Variants in FYB1 observed in about 807,000 individuals in gnomAD.
FYB1 encodes the protein FYN-binding protein 1.
A neutral mutation model predicts 94.1 loss-of-function variants in FYB1; 41 were observed. That is an observed-to-expected ratio of 0.44 (90% CI 0.34 to 0.57). The LOEUF (loss-of-function observed/expected upper bound fraction) is 0.57, where lower values mean the gene tolerates loss of function less well. Among genes scored for constraint, FYB1 ranks in the 20% least tolerant of loss-of-function variants. The pLI is 0.02. For synonymous variants in FYB1, 367 were observed against 353.2 expected, an observed-to-expected ratio of 1.04 and a Z score of -0.44; for missense variants, 1,050 against 976.8, an observed-to-expected ratio of 1.07 and a Z score of -1.00.
chr5:39,205,602 A>G (rs926226666), intron 1 of FYB1, among the ~76,000 whole-genome samples: 1 of 152,198 alleles, frequency 6.6e-6, no homozygotes, highest in African/African-American at 2.4e-5. Context: ...AACCCATGAA[A>G]TACCCTAGCC....
intron 16 of FYB1, among the ~76,000 whole-genome samples, chr5:39,113,976 C>T (rs184725842): frequency 1.8e-4 from 27 of 151,742 alleles, no homozygotes; most frequent in East Asian, 1.4e-3. Context: ...CATATTTGGA[C>T]GACATTTTAA....
intron 3 of FYB1, among the ~76,000 whole-genome samples, chr5:39,143,918 A>T (rs1742411576): frequency 6.6e-6 from 1 of 152,214 alleles, no homozygotes; most frequent in African/African-American, 2.4e-5. Flanking sequence ...CCTGTTAATT[A>T]ACTCATTAAA....
intron 2 of FYB1, among the ~76,000 whole-genome samples, chr5:39,184,468 G>T (rs1041351864): frequency 6.6e-6 from 1 of 152,126 alleles, no homozygotes; most frequent in Non-Finnish European, 1.5e-5. Context: ...TGGTGAGTTT[G>T]AACATGAAAA....
chr5:39,111,894 T>C (rs366940), intron 16 of FYB1, among the ~76,000 whole-genome samples: 3 of 152,012 alleles, frequency 2.0e-5, no homozygotes, highest in Non-Finnish European at 4.4e-5. Context: ...TTTCAATTAA[T>C]GCAAAAGTAG....
Position 39,137,728 on chromosome 5 carries a change from TA to T in FYB1, c.1395-9del, listed in dbSNP as rs1207038220. On this transcript the variant is annotated splice_polypyrimidine_tract_variant and intron_variant, in intron 6 of 18. Coordinates refer to ENST00000512982, the MANE Select transcript of FYB1 (RefSeq NM_001465.6). ...CTTTCTTTGGATGCTTCTCTGTGAG[TA>T]AAAATTGTTAGGTTGTTTTCACATC... The T allele has an allele frequency of 6.4e-6, 10 of 1,550,936 alleles. No homozygotes were observed. In the Admixed American group the frequency reaches 1.8e-4, roughly 27 times the overall value.
In FYB1 at chr5:39,138,715, G is replaced by T. The variant is rs201235021; in HGVS notation, c.1360-24C>A. The stretch of plus-strand genomic sequence containing the variant: ...TCCTGTAAAGAAAAACATTGATAAT[G>T]ATTAATTTTTATTATTTAAAAAGTT... On this transcript the variant is annotated intron_variant, in intron 5 of 18. Transcript: ENST00000512982. 1.3e-4 allele frequency: 180 copies of T among 1,355,564 alleles called. No individual in the cohort carries two copies. The East Asian group carries it at 3.1e-3, about 23-fold the overall frequency. The allele number at this position is 1,355,564 out of a possible 1,614,324, so 84.0% of individuals were successfully genotyped here. A position where few individuals can be genotyped will look rare whatever the true frequency, so the allele number is the denominator to read the frequency against.
chr5:39,138,605 C>T (rs1741868939), intron 6 of FYB1, 52 bp downstream of exon 6: 2 of 1,147,890 alleles, frequency 1.7e-6, no homozygotes, highest in East Asian at 2.4e-5. Context: ...TCATACAAAA[C>T]ATTATATTCA....
intron 17 of FYB1, among the ~76,000 whole-genome samples, chr5:39,109,677 TA>T (rs916988130): frequency 6.6e-6 from 1 of 152,142 alleles, no homozygotes; most frequent in Admixed American, 6.6e-5. Context: ...CTAAATTCTG[TA>T]AATCTTTGCA....
chr5:39,162,522 T>C (rs151089927), intron 2 of FYB1, among the ~76,000 whole-genome samples: 2,327 of 152,124 alleles, frequency 0.015, 27 homozygotes, highest in Non-Finnish European at 0.023. Flanking sequence ...CCGTCTCTAC[T>C]AAAAATACAA....
intron 1 of FYB1, among the ~76,000 whole-genome samples, chr5:39,213,178 G>A (rs1749570942): frequency 6.6e-6 from 1 of 151,900 alleles, no homozygotes; most frequent in South Asian, 2.1e-4. Context: ...TCCTCCCAAA[G>A]CCCAATTAGT....
At chr5:39,247,889 T>TTTTTGCTTTGTTTTG (rs1554044574) in intron 1 of FYB1, among the ~76,000 whole-genome samples, 2 of 149,364 alleles carry the variant, frequency 1.3e-5, no homozygotes, top group East Asian at 2.0e-4. Context: ...TACTTTCTTG[T>TTTTTGCTTTGTTTTG]TTTTGTTTTG....
upstream of FYB1, among the ~76,000 whole-genome samples, chr5:39,222,106 C>T (rs192879578): frequency 6.6e-6 from 1 of 152,292 alleles, no homozygotes; most frequent in East Asian, 1.9e-4. Context: ...GAATGTACTG[C>T]CCCCTCTCCT....
chr5:39,176,084 C>T (rs1579565573), intron 2 of FYB1, among the ~76,000 whole-genome samples: 1 of 150,170 alleles, frequency 6.7e-6, no homozygotes, highest in East Asian at 2.0e-4. Flanking sequence ...CCCACAGTGG[C>T]CTCTTCATAT....
intron 1 of FYB1, among the ~76,000 whole-genome samples, chr5:39,227,106 C>A (rs2150564198): frequency 6.6e-6 from 1 of 152,278 alleles, no homozygotes; most frequent in Admixed American, 6.5e-5. Context: ...CATACATTCA[C>A]ATAAATTCAC....
intron 1 of FYB1, among the ~76,000 whole-genome samples, chr5:39,232,517 CATTT>C (rs140093635): frequency 3.4e-4 from 51 of 150,320 alleles, no homozygotes; most frequent in East Asian, 1.8e-3. Context: ...TTAGCATAAA[CATTT>C]ATTTTATTTA....
chr5:39,265,503 A>AG, intron 1 of FYB1, among the ~76,000 whole-genome samples: 1 of 150,154 alleles, frequency 6.7e-6, no homozygotes. Flanking sequence ...AAAAAGAAAA[A>AG]AAAATTAGCT....
At chr5:39,209,388 G>A (rs564499818) in intron 1 of FYB1, among the ~76,000 whole-genome samples, 2 of 150,874 alleles carry the variant, frequency 1.3e-5, no homozygotes, top group African/African-American at 2.4e-5. Context: ...GTGCAGTAGC[G>A]CGATCTTGGC....
At position 39,191,656 on chromosome 5, in the gene FYB1, T is replaced by C. The variant is rs183575504; in HGVS notation, c.1135+10170A>G. ...AGAGACATATTTCTTATCTATTTAC[T>C]AGTGGTTAATATAGCAGTTAAATGT... is the stretch of plus-strand genomic sequence containing the variant. On this transcript the variant is annotated intron_variant, in intron 2 of 18. Transcript: ENST00000512982. 1.4e-3 allele frequency among the ~76,000 whole-genome samples: 217 copies of C among 152,344 alleles called. 1 individual carries two copies. The Middle Eastern group carries it at 0.024, about 17-fold the overall frequency.
Position 39,152,650 on chromosome 5 carries a change from G to A in FYB1, c.1292+798C>T, listed in dbSNP as rs988024584. 9.9e-5 allele frequency among the ~76,000 whole-genome samples: 15 copies of A among 152,188 alleles called. 1 individual carries two copies. The South Asian group carries it at 1.5e-3, about 15-fold the overall frequency. ...TCCATTTTATTCCAACCTGCCACTC[G>A]CTTTTTCCTTTACCAACTTTTCTAT... On this transcript the variant is annotated intron_variant, in intron 3 of 18. Transcript: ENST00000512982.
Sources: gnomAD v4.1 joint callset for allele counts (sites outside exome capture counted in the v4.1 genomes callset) on GRCh38, gnomAD v4.1.1 for gene constraint, MANE v1.5 for transcripts, NCBI Gene and HGNC (gene_info 2026-07-23, HGNC 2026-07-21) for gene names.